SNAP47: variants seen among roughly 807,000 people sequenced by gnomAD.
SNAP47 encodes synaptosomal-associated protein 47.
In SNAP47, 20 loss-of-function variants were observed where a neutral mutation model predicts 31.4. The observed-to-expected ratio is 0.64, with a 90% CI of 0.45 to 0.93. The LOEUF (loss-of-function observed/expected upper bound fraction) is 0.93. SNAP47 is among the 40% of genes least tolerant of loss of function. SNAP47 has a pLI of 0.00. For missense variants in SNAP47, 492 were observed against 528.5 expected, an observed-to-expected ratio of 0.93 and a Z score of 0.68; for synonymous variants, 194 against 213.4, an observed-to-expected ratio of 0.91 and a Z score of 0.79.
At chr1:227,735,633 C>T (rs1283818239) in intron 1 of SNAP47, 134 bp downstream of exon 1, 1 of 1,318,906 alleles carries the variant, frequency 7.6e-7, no homozygotes, top group Non-Finnish European at 9.6e-7. Flanking sequence ...GGGGGGTATG[C>T]GGGCTGCGCT....
intron 1 of SNAP47, among the ~76,000 whole-genome samples, chr1:227,729,668 G>A (rs1660515348): frequency 6.6e-6 from 1 of 152,158 alleles, no homozygotes; most frequent in Non-Finnish European, 1.5e-5. Flanking sequence ...TGGTCCCTGG[G>A]GGAGGCACCT....
At chr1:227,749,386 G>T (rs935845163) in intron 2 of SNAP47, among the ~76,000 whole-genome samples, 10 of 152,250 alleles carry the variant, frequency 6.6e-5, no homozygotes, top group Admixed American at 5.2e-4. Context: ...TCCCTCTTCT[G>T]GGATCCGGGG....
upstream of SNAP47, chr1:227,734,126 G>T: frequency 7.0e-7 from 1 of 1,421,322 alleles, no homozygotes; most frequent in Non-Finnish European, 9.5e-7. Flanking sequence ...ATCGGCTCCA[G>T]TGGAGCTTCC....
upstream of SNAP47, chr1:227,735,321 C>T (rs1308739268): frequency 3.1e-6 from 5 of 1,601,588 alleles, no homozygotes; most frequent in East Asian, 4.5e-5. Context: ...TCCGCCGGAG[C>T]GGAAACGGTG....
At chr1:227,777,507 C>G (rs567932315) in intron 4 of SNAP47, among the ~76,000 whole-genome samples, 2 of 152,290 alleles carry the variant, frequency 1.3e-5, no homozygotes, top group South Asian at 4.1e-4. Flanking sequence ...TTGCGGGTCT[C>G]TGCTGGGCCT....
At chr1:227,735,625 G>C (rs1350952185) in intron 1 of SNAP47, 126 bp downstream of exon 1, 1 of 1,325,506 alleles carries the variant, frequency 7.5e-7, no homozygotes, top group Non-Finnish European at 9.6e-7. Flanking sequence ...CGGGGGGTGG[G>C]GGGTATGCGG....
At chr1:227,780,044 T>G (rs1434403815) in intron 4 of SNAP47, among the ~76,000 whole-genome samples, 1 of 152,198 alleles carries the variant, frequency 6.6e-6, no homozygotes, top group Non-Finnish European at 1.5e-5. Flanking sequence ...TGTGTTTCTT[T>G]TTAATCCTGC....
intron 1 of SNAP47, among the ~76,000 whole-genome samples, chr1:227,729,295 G>A (rs1660491655): frequency 6.6e-6 from 1 of 152,154 alleles, no homozygotes; most frequent in African/African-American, 2.4e-5. Context: ...GACTTTGGGG[G>A]TACAGACAAC....
upstream of SNAP47, chr1:227,728,445 G>GC (rs1346982324): frequency 9.2e-6 from 1 of 108,982 alleles, no homozygotes. Context: ...TGCCCCGCCT[G>GC]CCCCTCCCAT....
chr1:227,734,207 G>T, upstream of SNAP47: 1 of 685,236 alleles, frequency 1.5e-6, no homozygotes, highest in Non-Finnish European at 2.4e-6. Flanking sequence ...GGAGGGGGCG[G>T]GGCAGTCTGA....
intron 1 of SNAP47, among the ~76,000 whole-genome samples, chr1:227,740,464 G>A (rs535066058): frequency 6.6e-6 from 1 of 152,248 alleles, no homozygotes; most frequent in East Asian, 1.9e-4. Context: ...CAGGTGTGGA[G>A]GGAGGGAGGA....
intron 3 of SNAP47, 85 bp downstream of exon 3, chr1:227,759,570 A>C (rs75576061): frequency 6.5e-7 from 1 of 1,532,400 alleles, no homozygotes; most frequent in African/African-American, 1.4e-5. Flanking sequence ...AATGCCTAAC[A>C]GATGCGTCAC....
intron 1 of SNAP47, among the ~76,000 whole-genome samples, chr1:227,736,645 A>T (rs987565359): frequency 2.7e-5 from 4 of 147,180 alleles, no homozygotes; most frequent in Non-Finnish European, 6.0e-5. Flanking sequence ...GACTACAGGC[A>T]TGAGCCACTA....
chr1:227,775,595 C>T (rs1255254149), intron 4 of SNAP47, among the ~76,000 whole-genome samples: 8 of 152,224 alleles, frequency 5.3e-5, no homozygotes, highest in Admixed American at 3.3e-4. Context: ...CTGGTGGCAG[C>T]GAACGCACAA....
At chr1:227,734,939 T>C (rs2273938), upstream of SNAP47, 100,660 of 1,503,022 alleles carry the variant, frequency 0.067, 6,017 homozygotes, top group East Asian at 0.33. Flanking sequence ...TGCCCCTCTC[T>C]AGGCGGGGGC....
At chr1:227,778,074 A>G (rs972957063) in intron 4 of SNAP47, among the ~76,000 whole-genome samples, 4 of 152,244 alleles carry the variant, frequency 2.6e-5, no homozygotes, top group Non-Finnish European at 4.4e-5. Context: ...CTTTAATCCC[A>G]AATTTGAGTT....
chr1:227,774,403 C>A (rs917717026), intron 4 of SNAP47, among the ~76,000 whole-genome samples: 4 of 151,770 alleles, frequency 2.6e-5, no homozygotes, highest in Non-Finnish European at 5.9e-5. Context: ...GGTAGGTTCA[C>A]TGGGCCAGGT....
chr1:227,767,918 C>T (rs1663543385), intron 4 of SNAP47, among the ~76,000 whole-genome samples: 1 of 152,200 alleles, frequency 6.6e-6, no homozygotes, highest in Admixed American at 6.5e-5. Flanking sequence ...GCCTGGGAGG[C>T]TGGAATTTTA....
intron 2 of SNAP47, among the ~76,000 whole-genome samples, chr1:227,752,225 T>C (rs967903883): frequency 2.6e-5 from 4 of 152,206 alleles, no homozygotes; most frequent in Non-Finnish European, 5.9e-5. Flanking sequence ...TCACCTCACA[T>C]GCCTGTCATT....
Sources: gnomAD v4.1 joint callset for allele counts (sites outside exome capture counted in the v4.1 genomes callset) on GRCh38, gnomAD v4.1.1 for gene constraint, MANE v1.5 for transcripts, NCBI Gene and HGNC (gene_info 2026-07-23, HGNC 2026-07-21) for gene names.